Variants in TMEM178A observed in about 807,000 individuals in gnomAD.
The protein encoded by TMEM178A is transmembrane protein 178A.
In TMEM178A, 12 loss-of-function variants were observed where a neutral mutation model predicts 29.1. The ratio of observed to expected loss-of-function variants is 0.41; its 90% CI spans 0.26 to 0.67. TMEM178A has a LOEUF of 0.67. Ranked by LOEUF, TMEM178A falls within the 30% of genes least tolerant of loss-of-function variation. The pLI, the probability that TMEM178A is intolerant of heterozygous loss-of-function variation, is 0.29. For missense variants in TMEM178A, 366 were observed against 419.1 expected, an observed-to-expected ratio of 0.87 and a Z score of 1.11; for synonymous variants, 210 against 187.2, an observed-to-expected ratio of 1.12 and a Z score of -0.99.
Position 39,666,345 on chromosome 2 carries a change from A to G in TMEM178A, c.371A>G (p.Asp124Gly). ...AGGAAGTGCTACTTCCTGGGCATCG[A>G]CCGGGACATCGACACCCTCATCCTG... Reference protein sequence around the residue: ...LWRKCYFLGIDRDIDTLILKG... With the variant: ...LWRKCYFLGIGRDIDTLILKG... Residue 124 changes from aspartate to glycine, a missense_variant, in exon 1 of 4, where the codon GAC becomes GGC. Around this residue, in one of 2 missense-constraint regions of TMEM178A, gnomAD observed 247 missense variants for 246.8 expected, o/e 1.00. Transcript: ENST00000281961. 1.4e-6 allele frequency: 2 copies of G among 1,444,196 alleles called. No homozygotes were observed. Among genetic ancestry groups the G allele is most frequent in the Non-Finnish European group, 1.8e-6 (2 of 1,097,592 alleles). 89.5% of individuals were successfully genotyped at this position (1,444,196 alleles called of 1,614,324 possible). A position where few individuals can be genotyped will look rare whatever the true frequency, so the allele number is the denominator to read the frequency against.
At chr2:39,718,436 G>C (rs891924551), downstream of TMEM178A, among the ~76,000 whole-genome samples, 7 of 152,208 alleles carry the variant, frequency 4.6e-5, no homozygotes, top group Non-Finnish European at 1.0e-4. Context: ...GCCTAGGCTT[G>C]AGCATTTTTG....
chr2:39,718,203 C>T (rs886455256), downstream of TMEM178A, among the ~76,000 whole-genome samples: 14 of 152,172 alleles, frequency 9.2e-5, no homozygotes, highest in African/African-American at 3.1e-4. Context: ...TCTTCTCCTT[C>T]TCTTTTTCTC....
chr2:39,727,754 C>G, the TMEM178A span, among the ~76,000 whole-genome samples: 1 of 133,474 alleles, frequency 7.5e-6, no homozygotes, highest in Admixed American at 8.2e-5. Context: ...GTGTGATGTT[C>G]CCCACCCTGT....
chr2:39,722,903 T>C (rs17024238), downstream of TMEM178A, among the ~76,000 whole-genome samples: 1,038 of 152,244 alleles, frequency 6.8e-3, 12 homozygotes, highest in Middle Eastern at 0.037. Flanking sequence ...TCAGCAAGTG[T>C]TCTAAATCAG....
intron 3 of TMEM178A, among the ~76,000 whole-genome samples, chr2:39,707,821 A>G (rs1259294196): frequency 6.6e-6 from 1 of 152,210 alleles, no homozygotes; most frequent in African/African-American, 2.4e-5. Flanking sequence ...CTTGGCAAAC[A>G]TGGACCATTG....
chr2:39,698,303 G>T (rs554559423), intron 1 of TMEM178A, among the ~76,000 whole-genome samples: 2 of 152,218 alleles, frequency 1.3e-5, no homozygotes, highest in East Asian at 1.9e-4. Flanking sequence ...CTGAGCTTCG[G>T]ATTCTTTTAC....
chr2:39,718,807 A>C (rs1424592352), downstream of TMEM178A, among the ~76,000 whole-genome samples: 1 of 151,896 alleles, frequency 6.6e-6, no homozygotes, highest in Non-Finnish European at 1.5e-5. Flanking sequence ...TTTTCCTTTT[A>C]ACTCCAACCC....
the TMEM178A span, among the ~76,000 whole-genome samples, chr2:39,733,208 C>T: frequency 1.3e-5 from 2 of 152,358 alleles, no homozygotes; most frequent in African/African-American, 4.8e-5. Flanking sequence ...CTTCCAGCAT[C>T]TGCTCCCACT....
upstream of TMEM178A, chr2:39,665,593 A>C: frequency 5.3e-6 from 1 of 189,450 alleles, no homozygotes; most frequent in Non-Finnish European, 1.1e-5. Flanking sequence ...GGAGAGATTA[A>C]AAGGGGAAGG....
intron 1 of TMEM178A, 66 bp from the exon 2 acceptor site, chr2:39,704,015 C>T (rs1671913204): frequency 1.5e-6 from 2 of 1,373,570 alleles, no homozygotes; most frequent in Admixed American, 1.8e-5. Context: ...CGGTATTCTG[C>T]CTCAGGTCTC....
At chr2:39,715,041 G>T (rs2148119064) in intron 3 of TMEM178A, among the ~76,000 whole-genome samples, 1 of 152,288 alleles carries the variant, frequency 6.6e-6, no homozygotes, top group East Asian at 1.9e-4. Context: ...GCTCAGAGAG[G>T]TTAGGTAATT....
intron 3 of TMEM178A, among the ~76,000 whole-genome samples, chr2:39,708,168 A>T (rs531661705): frequency 6.6e-6 from 1 of 152,182 alleles, no homozygotes; most frequent in Non-Finnish European, 1.5e-5. Flanking sequence ...TTTCGCAGCT[A>T]ATTCGTGAGA....
At chr2:39,667,428 G>A (rs1391875447) in intron 1 of TMEM178A, among the ~76,000 whole-genome samples, 1 of 135,864 alleles carries the variant, frequency 7.4e-6, no homozygotes, top group Non-Finnish European at 1.5e-5. Context: ...TTGACTCAAT[G>A]TATTTTTTTC....
intron 1 of TMEM178A, among the ~76,000 whole-genome samples, chr2:39,674,818 TTCTC>T (rs753268176): frequency 1.2e-4 from 19 of 152,138 alleles, no homozygotes; most frequent in Non-Finnish European, 1.3e-4. Context: ...TTGTATTCCT[TTCTC>T]TCTCTCTCTT....
intron 1 of TMEM178A, among the ~76,000 whole-genome samples, chr2:39,685,745 A>C (rs1281610156): frequency 6.6e-6 from 1 of 152,212 alleles, no homozygotes; most frequent in Admixed American, 6.5e-5. Context: ...CACATTAACT[A>C]AGACTCAGAG....
At chr2:39,716,386 C>A (rs747534589) in intron 3 of TMEM178A, among the ~76,000 whole-genome samples, 5 of 152,164 alleles carry the variant, frequency 3.3e-5, no homozygotes, top group Admixed American at 6.5e-5. Flanking sequence ...TATGTCACTC[C>A]AATTGCCTCC....
chr2:39,685,712 T>A (rs1015184026), intron 1 of TMEM178A, among the ~76,000 whole-genome samples: 4 of 152,198 alleles, frequency 2.6e-5, no homozygotes, highest in African/African-American at 9.7e-5. Context: ...TCCAATGAGA[T>A]AAACATTATC....
intron 3 of TMEM178A, among the ~76,000 whole-genome samples, chr2:39,716,199 G>A (rs548598535): frequency 6.6e-6 from 1 of 152,298 alleles, no homozygotes; most frequent in Non-Finnish European, 1.5e-5. Context: ...AGCATCTTGA[G>A]GGTCCATTGC....
In TMEM178A at chr2:39,665,944, C is replaced by T. The variant is rs1324142319; in HGVS notation, c.-31C>T. Reference sequence around the variant, plus strand: ...ATTGTGTCTGGCGGCGGCGCGCGAGCCCACCGGCGGCTGCGGCGGGGCGGG... The same window carrying T: ...ATTGTGTCTGGCGGCGGCGCGCGAGTCCACCGGCGGCTGCGGCGGGGCGGG... On this transcript the variant is annotated 5_prime_UTR_variant, in exon 1 of 4. Coordinates refer to ENST00000281961, the MANE Select transcript of TMEM178A (RefSeq NM_152390.3). 1 of 1,343,460 alleles carries T rather than the reference C, an allele frequency of 7.4e-7. No individual in the cohort carries two copies. 83.2% of individuals were successfully genotyped at this position (1,343,460 alleles called of 1,614,324 possible).
Sources: allele counts gnomAD v4.1 joint callset (sites outside exome capture counted in the v4.1 genomes callset), GRCh38; gene constraint gnomAD v4.1.1; regional missense constraint gnomAD v4.1.1; transcripts MANE v1.5; gene names NCBI Gene and HGNC (gene_info 2026-07-23, HGNC 2026-07-21).